C8orf34: variants seen among roughly 807,000 people sequenced by gnomAD.
The protein encoded by C8orf34 is uncharacterized protein C8orf34.
In C8orf34, 65 loss-of-function variants were observed where a neutral mutation model predicts 68.3. The observed-to-expected ratio is 0.95, with a 90% CI of 0.78 to 1.17. C8orf34 has a LOEUF of 1.17. Among genes scored for constraint, C8orf34 ranks in the 50% most tolerant of loss-of-function variants. C8orf34 has a pLI of 0.00. For synonymous variants in C8orf34, 244 were observed against 241.2 expected (o/e 1.01, Z -0.11); for missense variants, 664 against 655.4 (o/e 1.01, Z -0.14).
At chr8:68,388,158 A>G in intron 1 of C8orf34, among the ~76,000 whole-genome samples, 1 of 152,192 alleles carries the variant, frequency 6.6e-6, no homozygotes, top group East Asian at 1.9e-4. Context: ...ACAGACATTC[A>G]ATTTACCGTT....
At chr8:68,683,835 A>C (rs1820437335) in intron 8 of C8orf34, among the ~76,000 whole-genome samples, 2 of 152,100 alleles carry the variant, frequency 1.3e-5, no homozygotes, top group South Asian at 4.1e-4. Context: ...CATGCCCATA[A>C]GGGTTGGAAG....
At chr8:68,609,582 T>G (rs182430777) in intron 7 of C8orf34, among the ~76,000 whole-genome samples, 1 of 152,068 alleles carries the variant, frequency 6.6e-6, no homozygotes, top group Non-Finnish European at 1.5e-5. Flanking sequence ...AGTAGTCTCA[T>G]TGGGTTTGGC....
At chr8:68,510,690 A>T (rs1277293415) in intron 5 of C8orf34, among the ~76,000 whole-genome samples, 3 of 152,210 alleles carry the variant, frequency 2.0e-5, no homozygotes, top group Non-Finnish European at 4.4e-5. Context: ...TTAATCTTAT[A>T]CTTGGCCTGA....
chr8:68,720,641 G>T (rs1048666408), intron 9 of C8orf34, among the ~76,000 whole-genome samples: 4 of 151,186 alleles, frequency 2.6e-5, no homozygotes, highest in African/African-American at 9.7e-5. Context: ...CTCAACTAAG[G>T]AAGTCAACAT....
At chr8:68,351,325 T>A (rs1045612952) in intron 1 of C8orf34, among the ~76,000 whole-genome samples, 1 of 152,012 alleles carries the variant, frequency 6.6e-6, no homozygotes, top group East Asian at 1.9e-4. Context: ...AGCTGAGAGA[T>A]CCAATTAGCT....
intron 4 of C8orf34, among the ~76,000 whole-genome samples, chr8:68,485,962 C>T (rs2380461): frequency 1.3e-5 from 2 of 151,462 alleles, no homozygotes; most frequent in African/African-American, 2.4e-5. Context: ...TGGAAAGGAA[C>T]TTTTTTTGTA....
At chr8:68,804,922 A>AT (rs1181395865) in intron 12 of C8orf34, among the ~76,000 whole-genome samples, 2 of 152,210 alleles carry the variant, frequency 1.3e-5, no homozygotes, top group African/African-American at 4.8e-5. Flanking sequence ...GAGGCTCCTT[A>AT]TGGCAAAACC....
At chr8:68,759,555 G>T (rs1822967594) in intron 10 of C8orf34, among the ~76,000 whole-genome samples, 2 of 152,200 alleles carry the variant, frequency 1.3e-5, no homozygotes, top group Non-Finnish European at 1.5e-5. Flanking sequence ...AGCTGTGAAA[G>T]AATTACAGAA....
chr8:68,384,767 C>T (rs1014668374), intron 1 of C8orf34, among the ~76,000 whole-genome samples: 5 of 152,132 alleles, frequency 3.3e-5, no homozygotes, highest in Non-Finnish European at 1.5e-5. Flanking sequence ...GTTTTGTTCT[C>T]TCTTGCACTC....
Position 68,810,452 on chromosome 8 carries a change from A to C in C8orf34, c.1550-5434A>C, listed in dbSNP as rs149172772. Among the ~76,000 whole-genome samples, 569 of 152,322 alleles carry C rather than the reference A, an allele frequency of 3.7e-3. 3 individuals are homozygous for C. The highest frequency in any genetic ancestry group is 0.012 in the African/African-American group (511 of 41,584). ...AAAGAGGGTGTCAAAGCTCTGGCTC[A>C]GGGAGCTCCTACTTCTGGGGTCCCT... On this transcript the variant is annotated intron_variant, in intron 12 of 13. Coordinates refer to ENST00000518698, the MANE Select transcript of C8orf34 (RefSeq NM_052958.4).
chr8:68,525,544 T>A, intron 6 of C8orf34: 2 of 883,744 alleles, frequency 2.3e-6, no homozygotes, highest in Non-Finnish European at 3.7e-6. Flanking sequence ...GGATTTTCCC[T>A]CCTGTGTGTC....
intron 5 of C8orf34, among the ~76,000 whole-genome samples, chr8:68,492,061 G>A (rs553254084): frequency 6.6e-6 from 1 of 152,248 alleles, no homozygotes; most frequent in East Asian, 1.9e-4. Context: ...TTTCACTTGA[G>A]AGAACTCCTC....
chr8:68,702,878 G>A (rs146807939), intron 8 of C8orf34, among the ~76,000 whole-genome samples: 8 of 151,958 alleles, frequency 5.3e-5, no homozygotes, highest in East Asian at 1.9e-4. Flanking sequence ...TTATGGATTC[G>A]GCTGTTGTGA....
intron 10 of C8orf34, among the ~76,000 whole-genome samples, chr8:68,773,262 A>G (rs1432468073): frequency 6.6e-6 from 1 of 152,184 alleles, no homozygotes; most frequent in Non-Finnish European, 1.5e-5. Flanking sequence ...GACTTGGGCC[A>G]TCTTTTCTGA....
At chr8:68,509,250 T>C (rs1814157806) in intron 5 of C8orf34, among the ~76,000 whole-genome samples, 1 of 152,174 alleles carries the variant, frequency 6.6e-6, no homozygotes, top group African/African-American at 2.4e-5. Context: ...TGTCAAAGGC[T>C]CTGGCTGCAT....
chr8:68,419,973 TATA>T (rs1809880251), intron 1 of C8orf34, among the ~76,000 whole-genome samples: 2 of 121,572 alleles, frequency 1.6e-5, no homozygotes, highest in African/African-American at 3.1e-5. Context: ...AAACTTAAAG[TATA>T]ATAATAAAAA....
intron 1 of C8orf34, among the ~76,000 whole-genome samples, chr8:68,398,241 A>G (rs1430706523): frequency 1.3e-5 from 2 of 152,190 alleles, no homozygotes; most frequent in Admixed American, 6.5e-5. Context: ...GTTTTTATTT[A>G]GTCTTTTAGC....
At chr8:68,350,908 A>G (rs1806484619) in intron 1 of C8orf34, among the ~76,000 whole-genome samples, 1 of 151,902 alleles carries the variant, frequency 6.6e-6, no homozygotes, top group African/African-American at 2.4e-5. Context: ...TTGCTTTTTT[A>G]TCCAGTTTGC....
chr8:68,446,535 T>G (rs766752417), intron 3 of C8orf34, 75 bp downstream of exon 3: 2 of 1,475,394 alleles, frequency 1.4e-6, no homozygotes, highest in Non-Finnish European at 9.2e-7. Flanking sequence ...GAAAAGGTAT[T>G]AATTGAAGCC....
Sources: allele counts gnomAD v4.1 joint callset (sites outside exome capture counted in the v4.1 genomes callset), GRCh38; gene constraint gnomAD v4.1.1; transcripts MANE v1.5; gene names NCBI Gene and HGNC (gene_info 2026-07-23, HGNC 2026-07-21).